The following RAB6B variants were observed in gnomAD, a reference collection of about 807,000 sequenced individuals.
The protein encoded by RAB6B is RAB6B, member RAS oncogene family, also known as ras-related protein Rab-6B.
RAB6B carries 7 observed loss-of-function variants against 31.2 expected under a neutral mutation model. The ratio of observed to expected loss-of-function variants is 0.22; its 90% confidence interval spans 0.13 to 0.42. The LOEUF (loss-of-function observed/expected upper bound fraction) is 0.42. Ranked by LOEUF, RAB6B falls within the 10% of genes least tolerant of loss-of-function variation. The pLI, the probability that RAB6B is intolerant of heterozygous loss-of-function variation, is 1.00. For missense variants in RAB6B, 149 were observed against 280.6 expected (o/e 0.53, Z 3.35); for synonymous variants, 105 against 104.9 (o/e 1.00, Z -0.01).
Position 133,895,407 on chromosome 3 carries a change from C to T in RAB6B, c.60G>A (p.Gly20=), listed in dbSNP as rs1167334275. ...PLRKFKLVFL[G]EQSVGKTSLI... ...AAGCCGGGTACTTACCGCTCTGCTC[C>T]CCCAAGAACACCAACTTGAATTTTC... The change falls in exon 1 of 8, where the codon GGG becomes GGA. Residue 20 remains glycine, a synonymous_variant. Coordinates refer to ENST00000285208, the MANE Select transcript of RAB6B (RefSeq NM_016577.4). The T allele has an allele frequency of 1.2e-6, 2 of 1,611,810 alleles. No individual in the cohort carries two copies. Among genetic ancestry groups the T allele is most frequent in the African/African-American group, 1.3e-5 (1 of 74,854 alleles).
chr3:133,890,801 C>CT (rs900939065), intron 1 of RAB6B, among the ~76,000 whole-genome samples: 30 of 152,278 alleles, frequency 2.0e-4, no homozygotes, highest in African/African-American at 7.2e-4. Context: ...TCAGAAGATG[C>CT]TTAAAATTCA....
intron 2 of RAB6B, among the ~76,000 whole-genome samples, chr3:133,859,500 A>G (rs1035687714): frequency 6.6e-6 from 1 of 151,856 alleles, no homozygotes; most frequent in Non-Finnish European, 1.5e-5. Context: ...CTTGATCCCC[A>G]CTCAGGTCTG....
chr3:133,825,169 A>ATCTCATCCTGACAT lies in RAB6B; in HGVS notation c.*3605_*3618dup, dbSNP rs1935538652. ...TCACTGTCCTCGGCTACCTGGTCCC[A>ATCTCATCCTGACAT]TCTCATCCTGACATCCTCACCTGCC... is the stretch of plus-strand genomic sequence containing the variant. On this transcript the variant is annotated 3_prime_UTR_variant, in exon 8 of 8. Coordinates refer to ENST00000285208, the MANE Select transcript of RAB6B (RefSeq NM_016577.4). 6.6e-6 allele frequency: 1 copy of ATCTCATCCTGACAT among 152,156 alleles called. No individual in the cohort carries two copies. Among genetic ancestry groups the ATCTCATCCTGACAT allele is most frequent in the Non-Finnish European group, 1.5e-5 (1 of 68,026 alleles). 9.4% of individuals were successfully genotyped at this position (152,156 alleles called of 1,614,324 possible). A position where few individuals can be genotyped will look rare whatever the true frequency, so the allele number is the denominator to read the frequency against.
At chr3:133,837,097 C>A (rs1354415339) in intron 6 of RAB6B, among the ~76,000 whole-genome samples, 1 of 152,050 alleles carries the variant, frequency 6.6e-6, no homozygotes, top group Non-Finnish European at 1.5e-5. Flanking sequence ...GGGCACCCTG[C>A]AGCCACACCT....
chr3:133,841,138 C>T, intron 4 of RAB6B, 147 bp downstream of exon 4: 1 of 728,404 alleles, frequency 1.4e-6, no homozygotes, highest in Middle Eastern at 2.5e-4. Context: ...CTGCTCCCTG[C>T]CTTTCTGCAT....
chr3:133,828,870 A>G lies in RAB6B; in HGVS notation c.563-18T>C, dbSNP rs1381533885. ...GTCGATCACTGCAGGGGGACGGGCTAAGGAAGATGACTCTCCTGGACAAGC... is the reference window on the plus strand; with the variant it reads ...GTCGATCACTGCAGGGGGACGGGCTGAGGAAGATGACTCTCCTGGACAAGC... On this transcript the variant is annotated intron_variant, in intron 7 of 7. Coordinates refer to ENST00000285208, the MANE Select transcript of RAB6B (RefSeq NM_016577.4). The G allele has an allele frequency of 1.3e-6, 2 of 1,597,652 alleles. No homozygotes were observed. Among genetic ancestry groups the G allele is most frequent in the African/African-American group, 1.3e-5 (1 of 74,430 alleles).
In RAB6B at chr3:133,827,992, C is replaced by A. The variant is rs1935597431; in HGVS notation, c.*796G>T. On this transcript the variant is annotated 3_prime_UTR_variant, in exon 8 of 8. Transcript: ENST00000285208. ...CTGCAATTGCCAACAGCACCTCGTC[C>A]TTCTGATGGCCTCTTGCTCTGCCAG... The A allele has an allele frequency of 4.3e-6, 3 of 702,806 alleles. No homozygotes were observed. The highest frequency in any genetic ancestry group is 4.0e-5 in the Admixed American group (2 of 49,998). 43.5% of individuals were successfully genotyped at this position (702,806 alleles called of 1,614,324 possible).
intron 1 of RAB6B, among the ~76,000 whole-genome samples, chr3:133,892,021 C>A (rs915683108): frequency 1.3e-5 from 2 of 152,186 alleles, no homozygotes; most frequent in African/African-American, 4.8e-5. Context: ...CTGAGATGTG[C>A]CAAGTGAGGC....
intron 1 of RAB6B, among the ~76,000 whole-genome samples, chr3:133,872,846 C>A (rs143198690): frequency 6.6e-6 from 1 of 152,186 alleles, no homozygotes; most frequent in Non-Finnish European, 1.5e-5. Flanking sequence ...TGCTAGAGGA[C>A]GCTCAGCCGC....
At chr3:133,860,459 C>T (rs1936144840) in intron 2 of RAB6B, among the ~76,000 whole-genome samples, 1 of 152,130 alleles carries the variant, frequency 6.6e-6, no homozygotes, top group Non-Finnish European at 1.5e-5. Flanking sequence ...GCCCTCCATG[C>T]CTTGATTTTG....
At chr3:133,884,439 T>C (rs1936510228) in intron 1 of RAB6B, among the ~76,000 whole-genome samples, 1 of 152,228 alleles carries the variant, frequency 6.6e-6, no homozygotes, top group South Asian at 2.1e-4. Context: ...CAGCTTAAGA[T>C]GGGTCTCTGT....
chr3:133,866,778 G>A (rs1231514278), intron 1 of RAB6B, among the ~76,000 whole-genome samples: 3 of 151,496 alleles, frequency 2.0e-5, no homozygotes, highest in Non-Finnish European at 4.4e-5. Context: ...ACTAGCAAGA[G>A]GCAGATGCAT....
intron 7 of RAB6B, among the ~76,000 whole-genome samples, chr3:133,829,992 T>C (rs1935632546): frequency 6.6e-6 from 1 of 152,212 alleles, no homozygotes; most frequent in South Asian, 2.1e-4. Context: ...CATGGCAGCC[T>C]ATAAATGAGT....
In RAB6B at chr3:133,839,532, G is replaced by A; in HGVS notation, c.375C>T (p.Gly125=). The A allele has an allele frequency of 6.2e-7, 1 of 1,614,146 alleles. No individual in the cohort carries two copies. The highest frequency in any genetic ancestry group is 8.5e-7 in the Non-Finnish European group (1 of 1,179,946). The change falls in exon 5 of 8, where the codon GGC becomes GGT. Residue 125 remains glycine, a synonymous_variant. Transcript: ENST00000285208. ...TCTTATCAGCCAGGTCCGTCTTGTT[G>A]CCCACCAGCATGATGATAACATCAC... The part of the protein sequence containing the change: ...RGSDVIIMLV[G]NKTDLADKRQ...
chr3:133,854,758 C>T (rs1350133273), intron 2 of RAB6B, among the ~76,000 whole-genome samples: 1 of 152,212 alleles, frequency 6.6e-6, no homozygotes, highest in East Asian at 1.9e-4. Flanking sequence ...AATGACAGTA[C>T]ATTACATGCT....
intron 7 of RAB6B, among the ~76,000 whole-genome samples, chr3:133,833,093 C>T (rs937005457): frequency 6.6e-6 from 1 of 152,160 alleles, no homozygotes; most frequent in African/African-American, 2.4e-5. Context: ...CAGCGGAGAT[C>T]GCCTGCACCT....
chr3:133,835,504 T>G (rs891621156), intron 6 of RAB6B, among the ~76,000 whole-genome samples: 2 of 126,388 alleles, frequency 1.6e-5, no homozygotes, highest in African/African-American at 3.1e-5. Context: ...GTGTGTGTGT[T>G]TGGGCAGGTG....
At chr3:133,838,467 C>T (rs80192225) in intron 5 of RAB6B, among the ~76,000 whole-genome samples, 5,142 of 152,274 alleles carry the variant, frequency 0.034, 110 homozygotes, top group Non-Finnish European at 0.045. Flanking sequence ...GGACACTATC[C>T]GCTTCCCCCA....
chr3:133,866,724 G>C (rs961876436), intron 1 of RAB6B, among the ~76,000 whole-genome samples: 1 of 152,254 alleles, frequency 6.6e-6, no homozygotes, highest in Non-Finnish European at 1.5e-5. Flanking sequence ...GAGGCCCCAG[G>C]CACCTGGCTG....
Sources: gnomAD v4.1 joint callset for allele counts (sites outside exome capture counted in the v4.1 genomes callset) on GRCh38, gnomAD v4.1.1 for gene constraint, MANE v1.5 for transcripts, NCBI Gene and HGNC (gene_info 2026-07-23, HGNC 2026-07-21) for gene names.